NSD1: variants seen among roughly 807,000 people sequenced by gnomAD.
NSD1 encodes nuclear receptor binding SET domain protein 1, also known as histone-lysine N-methyltransferase, H3 lysine-36 specific.
NSD1 carries 26 observed loss-of-function variants against 242.7 expected under a neutral mutation model. That is an observed-to-expected ratio of 0.11 (90% CI 0.08 to 0.15). The LOEUF (loss-of-function observed/expected upper bound fraction) is 0.15. Ranked by LOEUF, NSD1 falls within the 10% of genes least tolerant of loss-of-function variation. NSD1 has a pLI of 1.00. For synonymous variants in NSD1, 1,106 were observed against 1,178.1 expected, an observed-to-expected ratio of 0.94 and a Z score of 1.25; for missense variants, 2,495 against 3,272.8, an observed-to-expected ratio of 0.76 and a Z score of 5.80.
rs1031510357 is a variant in NSD1 at position 177,159,483 on chromosome 5, G to A, written c.927+23453G>A. ...TTTTTAGTAGAGACGAGGTTTCACC[G>A]CATTGGTTAGGTTGGTCTCAAAACT... On this transcript the variant is annotated intron_variant, in intron 2 of 22. Coordinates refer to ENST00000439151, the MANE Select transcript of NSD1 (RefSeq NM_022455.5). 4.0e-5 allele frequency among the ~76,000 whole-genome samples: 6 copies of A among 151,618 alleles called. No individual in the cohort carries two copies. In the South Asian group the frequency reaches 1.0e-3, roughly 26 times the overall value.
At chr5:177,227,927 C>T (rs186894919) in intron 5 of NSD1, among the ~76,000 whole-genome samples, 33 of 148,266 alleles carry the variant, frequency 2.2e-4, no homozygotes, top group Non-Finnish European at 4.0e-4. Flanking sequence ...TACCCTGGAC[C>T]ACAAGAGAGA....
chr5:177,185,813 A>AT (rs1216162611), intron 2 of NSD1, among the ~76,000 whole-genome samples: 5 of 85,426 alleles, frequency 5.9e-5, no homozygotes, highest in Non-Finnish European at 1.0e-4. Context: ...ATATAAATTT[A>AT]TATATATAAT....
chr5:177,290,063 C>G (rs552178770), intron 21 of NSD1, among the ~76,000 whole-genome samples: 5 of 151,488 alleles, frequency 3.3e-5, no homozygotes, highest in Non-Finnish European at 7.4e-5. Context: ...CTCCTGACCT[C>G]GTGATCCGCC....
At chr5:177,252,539 CTTTTTTT>C (rs70991600) in intron 12 of NSD1, among the ~76,000 whole-genome samples, 51 of 47,430 alleles carry the variant, frequency 1.1e-3, no homozygotes, top group African/African-American at 2.7e-3. Context: ...GTAAAGTGTT[CTTTTTTT>C]TTTTTTTTTT....
At chr5:177,225,869 G>T (rs574634783) in intron 5 of NSD1, among the ~76,000 whole-genome samples, 28 of 152,196 alleles carry the variant, frequency 1.8e-4, no homozygotes, top group Middle Eastern at 3.4e-3. Flanking sequence ...TACCTCAGTG[G>T]CTTAGATCTG....
intron 15 of NSD1, among the ~76,000 whole-genome samples, chr5:177,268,253 T>TA (rs1757669213): frequency 6.8e-6 from 1 of 146,728 alleles, no homozygotes; most frequent in South Asian, 2.2e-4. Context: ...AGACTACAGG[T>TA]ACATGCCACT....
Position 177,135,505 on chromosome 5 carries a change from C to G in NSD1, c.402C>G (p.Asn134Lys), listed in dbSNP as rs2149755989. ...TGAAACAGGAACCCTCTTGTAATAA[C>G]TCCCCTGAACTCCAGGTAAAAGTAA... Reference protein sequence around the residue: ...LAMKQEPSCNNSPELQVKVTK... With the variant: ...LAMKQEPSCNKSPELQVKVTK... Residue 134 changes from asparagine (N) to lysine (K), a missense_variant, in exon 2 of 23, where the codon AAC (asparagine) becomes AAG (lysine). Physicochemically the swap from Asn to Lys is moderately conservative, Grantham distance 94. Transcript: ENST00000439151. 6.2e-7 allele frequency: 1 copy of G among 1,614,220 alleles called. No homozygotes were observed. The highest frequency in any genetic ancestry group is 8.5e-7 in the Non-Finnish European group (1 of 1,180,046).
intron 2 of NSD1, among the ~76,000 whole-genome samples, chr5:177,185,544 G>C (rs1249855713): frequency 6.7e-6 from 1 of 150,068 alleles, no homozygotes; most frequent in Non-Finnish European, 1.5e-5. Flanking sequence ...GTTGCATTGA[G>C]TTGAGATTGT....
Position 177,292,155 on chromosome 5 carries a change from G to T in NSD1, c.6460G>T (p.Ala2154Ser). 6.2e-7 allele frequency: 1 copy of T among 1,613,908 alleles called. No individual in the cohort carries two copies. ...CTGTCTCAATCTGACCAAGCGACCA[G>T]CAGGTTGGTGCCAAAATCCATTTGT... is the stretch of plus-strand genomic sequence containing the variant. ...ADCLNLTKRPAGKWECPWHQC... is the reference protein window; with the variant it reads ...ADCLNLTKRPSGKWECPWHQC... The change falls in exon 22 of 23, where the codon GCA (alanine) becomes TCA (serine). Residue 2154 changes from alanine to serine, a missense_variant. Ala to Ser is a moderately conservative substitution (Grantham distance 99). This residue lies in a region of NSD1 where 33 missense variants were observed against 134.8 expected (regional missense o/e 0.24). Transcript: ENST00000439151.
chr5:177,191,829 A>C, intron 2 of NSD1, 55 bp from the exon 3 acceptor site: 6 of 1,586,208 alleles, frequency 3.8e-6, no homozygotes, highest in Non-Finnish European at 5.2e-6. Flanking sequence ...GAATGACAAT[A>C]ATGTTTCAAA....
At chr5:177,173,291 CAAAA>C (rs60043429) in intron 2 of NSD1, among the ~76,000 whole-genome samples, 15 of 97,034 alleles carry the variant, frequency 1.5e-4, no homozygotes, top group South Asian at 3.4e-4. Context: ...GACTCTGTCT[CAAAA>C]AAAAAAAAAA....
At position 177,288,859 on chromosome 5, in the gene NSD1, G is replaced by T; in HGVS notation, c.6192G>T (p.Gly2064=). Residue 2064 remains glycine, a synonymous_variant, in exon 21 of 23, where the codon GGG becomes GGT. Transcript: ENST00000439151. Reference sequence around the variant, plus strand: ...TCAACTACAACCTAGAATGTCTTGGGAATGGAAAGACTGTTTGCAAATGTG... The same window carrying T: ...TCAACTACAACCTAGAATGTCTTGGTAATGGAAAGACTGTTTGCAAATGTG... The part of the protein sequence containing the change: ...LTFNYNLECL[G]NGKTVCKCGA... 1.2e-6 allele frequency: 2 copies of T among 1,614,130 alleles called. No individual in the cohort carries two copies. The highest frequency in any genetic ancestry group is 1.7e-6 in the Non-Finnish European group (2 of 1,179,988).
At chr5:177,142,969 T>G (rs1399834681) in intron 2 of NSD1, among the ~76,000 whole-genome samples, 14 of 152,176 alleles carry the variant, frequency 9.2e-5, no homozygotes, top group Admixed American at 9.2e-4. Flanking sequence ...CTCCATACTC[T>G]CCCCTTGCTC....
At chr5:177,208,370 G>A (rs1763061175) in intron 4 of NSD1, among the ~76,000 whole-genome samples, 2 of 152,094 alleles carry the variant, frequency 1.3e-5, no homozygotes, top group South Asian at 4.1e-4. Flanking sequence ...TTCTTGATTA[G>A]CCAGGTGGCT....
At chr5:177,188,876 G>A (rs1192764683) in intron 2 of NSD1, among the ~76,000 whole-genome samples, 1 of 151,978 alleles carries the variant, frequency 6.6e-6, no homozygotes, top group South Asian at 2.1e-4. Flanking sequence ...CTTGGGCAAC[G>A]TGGTTATATT....
At chr5:177,280,033 C>G in intron 17 of NSD1, among the ~76,000 whole-genome samples, 1 of 144,004 alleles carries the variant, frequency 6.9e-6, no homozygotes, top group South Asian at 2.1e-4. Context: ...ACCGAGAGAC[C>G]GAGTCTCACT....
intron 11 of NSD1, 117 bp downstream of exon 11, chr5:177,248,441 G>A: frequency 1.6e-6 from 2 of 1,277,448 alleles, no homozygotes; most frequent in South Asian, 1.3e-5. Flanking sequence ...GATGATTCCA[G>A]TGGAGTCACT....
intron 5 of NSD1, among the ~76,000 whole-genome samples, chr5:177,214,024 G>A (rs1763572265): frequency 6.6e-6 from 1 of 151,766 alleles, no homozygotes; most frequent in South Asian, 2.1e-4. Context: ...AGGCTAGAGT[G>A]AGATTTACTC....
intron 16 of NSD1, among the ~76,000 whole-genome samples, chr5:177,273,142 G>T (rs1436620956): frequency 1.3e-5 from 2 of 152,134 alleles, no homozygotes; most frequent in Non-Finnish European, 2.9e-5. Context: ...CAGATGAAGC[G>T]TAGTTGTTAG....
Sources: allele counts gnomAD v4.1 joint callset (sites outside exome capture counted in the v4.1 genomes callset), GRCh38; gene constraint gnomAD v4.1.1; regional missense constraint gnomAD v4.1.1; transcripts MANE v1.5; gene names NCBI Gene and HGNC (gene_info 2026-07-23, HGNC 2026-07-21).